Variants in NAA15 observed in about 807,000 individuals in gnomAD.
NAA15 encodes the protein N-alpha-acetyltransferase 15, NatA auxiliary subunit, also known as N-terminal acetyltransferase.
In NAA15, 34 loss-of-function variants were observed where a neutral mutation model predicts 114.0. That is an observed-to-expected ratio of 0.30 (90% confidence interval 0.23 to 0.40). The LOEUF (loss-of-function observed/expected upper bound fraction) is 0.40. Among genes scored for constraint, NAA15 ranks in the 10% least tolerant of loss-of-function variants. NAA15 has a pLI of 1.00. For synonymous variants in NAA15, 340 were observed against 338.0 expected (o/e 1.01, Z -0.06); for missense variants, 658 against 1,004.5 (o/e 0.66, Z 4.66).
intron 8 of NAA15, 24 bp from the exon 9 acceptor site, chr4:139,351,481 C>A: frequency 7.4e-7 from 1 of 1,355,496 alleles, no homozygotes; most frequent in Non-Finnish European, 1.1e-6. Flanking sequence ...TAAATATAAG[C>A]GAAAAGGATT....
At chr4:139,339,522 G>A (rs768803815) in intron 3 of NAA15, among the ~76,000 whole-genome samples, 17 of 151,618 alleles carry the variant, frequency 1.1e-4, no homozygotes, top group Non-Finnish European at 2.1e-4. Flanking sequence ...ATTAGGAGGC[G>A]GGCGGATCAC....
intron 14 of NAA15, among the ~76,000 whole-genome samples, chr4:139,367,108 T>A (rs1052964364): frequency 6.6e-6 from 1 of 152,306 alleles, no homozygotes. Context: ...TAATATGAAA[T>A]CCTGTTAACT....
chr4:139,306,422 A>G lies in NAA15; in HGVS notation c.54+4591A>G, dbSNP rs977320160. ...TTTTTTTTTTGTATTTTTAGTAGAG[A>G]TGGTGTTTCACCATGTTGGCCAGGC... On this transcript the variant is annotated intron_variant, in intron 1 of 19. Transcript: ENST00000296543. Among the ~76,000 whole-genome samples the G allele has an allele frequency of 4.6e-5, 7 of 151,066 alleles. No homozygotes were observed. In the East Asian group the frequency reaches 1.2e-3, roughly 25 times the overall value.
intron 14 of NAA15, among the ~76,000 whole-genome samples, chr4:139,363,706 G>A (rs1049527094): frequency 1.3e-5 from 2 of 152,120 alleles, no homozygotes; most frequent in African/African-American, 4.8e-5. Flanking sequence ...AAATCGGTGG[G>A]TTGAAGGATA....
chr4:139,380,257 T>G (rs537418175), intron 17 of NAA15, among the ~76,000 whole-genome samples: 1 of 130,172 alleles, frequency 7.7e-6, no homozygotes, highest in Non-Finnish European at 1.6e-5. Flanking sequence ...TTTAGTTTTT[T>G]TGGGGGGGGG....
intron 18 of NAA15, 144 bp from the exon 19 acceptor site, chr4:139,385,986 ACAG>A: frequency 2.0e-6 from 1 of 493,888 alleles, no homozygotes; most frequent in East Asian, 3.3e-5. Flanking sequence ...TTTTTGAATA[ACAG>A]TATCTCAAGT....
chr4:139,363,964 T>C (rs1209438103), intron 14 of NAA15, among the ~76,000 whole-genome samples: 1 of 152,258 alleles, frequency 6.6e-6, no homozygotes, highest in Non-Finnish European at 1.5e-5. Flanking sequence ...CACTGCAGCC[T>C]TGAGCTCCTG....
At chr4:139,323,051 T>G (rs1746674228) in intron 1 of NAA15, among the ~76,000 whole-genome samples, 2 of 140,372 alleles carry the variant, frequency 1.4e-5, no homozygotes, top group African/African-American at 5.5e-5. Flanking sequence ...TTCTTTTCTT[T>G]TCTTTTTTTT....
rs1387791715 is a variant in NAA15, at chr4:139,355,814, T to G, written c.1088-1572T>G. On this transcript the variant is annotated intron_variant, in intron 10 of 19. Coordinates refer to ENST00000296543, the MANE Select transcript of NAA15 (RefSeq NM_057175.5). ...TGAGATTCTTACAGGTGGTGGCATA[T>G]TCTTCTATTAGTAGGCATACGTGTT... Among the ~76,000 whole-genome samples, 3 of 152,220 alleles carry G rather than the reference T, an allele frequency of 2.0e-5. No individual in the cohort carries two copies. In the East Asian group the frequency reaches 5.8e-4, roughly 29 times the overall value.
chr4:139,316,493 T>C (rs1461687722), intron 1 of NAA15, among the ~76,000 whole-genome samples: 1 of 151,962 alleles, frequency 6.6e-6, no homozygotes, highest in African/African-American at 2.4e-5. Flanking sequence ...GTTTAAAATT[T>C]TGAGTTTCTC....
At chr4:139,364,003 C>T (rs1748207458) in intron 14 of NAA15, among the ~76,000 whole-genome samples, 1 of 152,210 alleles carries the variant, frequency 6.6e-6, no homozygotes, top group South Asian at 2.1e-4. Flanking sequence ...AACTCAGCCT[C>T]CTGAGTAGTT....
chr4:139,304,708 ACT>A (rs1228878466), intron 1 of NAA15, among the ~76,000 whole-genome samples: 1 of 152,178 alleles, frequency 6.6e-6, no homozygotes, highest in Non-Finnish European at 1.5e-5. Context: ...ATGAGAGCTG[ACT>A]GTATTTACTT....
At chr4:139,326,041 G>GT (rs1746790610) in intron 1 of NAA15, among the ~76,000 whole-genome samples, 2 of 152,302 alleles carry the variant, frequency 1.3e-5, no homozygotes, top group South Asian at 4.1e-4. Flanking sequence ...AAATCAGAAT[G>GT]TTTAATAGCA....
At position 139,322,816 on chromosome 4, in the gene NAA15, C is replaced by T. The variant is rs562912704; in HGVS notation, c.55-11358C>T. ...AAGCGATTCTTGTGCCTTAGCCTCC[C>T]GAGTAGCTGGGATTACAGGCATGCA... is the stretch of plus-strand genomic sequence containing the variant. On this transcript the variant is annotated intron_variant, in intron 1 of 19. Coordinates refer to ENST00000296543, the MANE Select transcript of NAA15 (RefSeq NM_057175.5). 5.9e-5 allele frequency among the ~76,000 whole-genome samples: 9 copies of T among 151,366 alleles called. No homozygotes were observed. The East Asian group carries it at 9.9e-4, about 17-fold the overall frequency.
chr4:139,303,190 C>T (rs914162895), intron 1 of NAA15, among the ~76,000 whole-genome samples: 1 of 152,132 alleles, frequency 6.6e-6, no homozygotes, highest in Non-Finnish European at 1.5e-5. Flanking sequence ...CCTTGAAATT[C>T]TTACTGGAAT....
chr4:139,351,623 T>TC lies in NAA15; in HGVS notation c.1014+12_1014+13insC. On this transcript the variant is annotated intron_variant, in intron 9 of 19. Coordinates refer to ENST00000296543, the MANE Select transcript of NAA15 (RefSeq NM_057175.5). ...AAGACAAAGAAAAGGTAAAGTGAAA[T>TC]ATGATACTTTCTTTTGGCTACCATT... The TC allele has an allele frequency of 7.7e-7, 1 of 1,299,662 alleles. No homozygotes were observed. The highest frequency in any genetic ancestry group is 1.1e-6 in the Non-Finnish European group (1 of 897,888). 80.5% of individuals were successfully genotyped at this position (1,299,662 alleles called of 1,614,324 possible).
intron 14 of NAA15, among the ~76,000 whole-genome samples, chr4:139,368,192 C>T (rs1306889435): frequency 1.3e-5 from 2 of 152,180 alleles, no homozygotes; most frequent in South Asian, 2.1e-4. Flanking sequence ...TAAATAGCAA[C>T]CGTTTATTAT....
intron 1 of NAA15, among the ~76,000 whole-genome samples, chr4:139,328,938 C>G (rs1044645631): frequency 4.7e-5 from 7 of 150,012 alleles, no homozygotes; most frequent in Non-Finnish European, 8.9e-5. Flanking sequence ...GATCTTGACT[C>G]AACTCACTGA....
At chr4:139,354,695 C>T (rs778527575) in intron 10 of NAA15, among the ~76,000 whole-genome samples, 6 of 152,312 alleles carry the variant, frequency 3.9e-5, no homozygotes, top group Admixed American at 2.0e-4. Flanking sequence ...ACCCAGCACT[C>T]AGCTTCAATA....
Sources: gnomAD v4.1 joint callset for allele counts (sites outside exome capture counted in the v4.1 genomes callset) on GRCh38, gnomAD v4.1.1 for gene constraint, MANE v1.5 for transcripts, NCBI Gene and HGNC (gene_info 2026-07-23, HGNC 2026-07-21) for gene names.